RANBP17: variants seen among roughly 807,000 people sequenced by gnomAD.
The protein encoded by RANBP17 is RAN binding protein 17.
RANBP17 carries 158 observed loss-of-function variants against 141.2 expected under a neutral mutation model. The observed-to-expected ratio is 1.12, with a 90% confidence interval of 0.98 to 1.28. The LOEUF is 1.28. Among genes scored for constraint, RANBP17 ranks in the 50% most tolerant of loss-of-function variants. RANBP17 has a pLI of 0.00. For missense variants in RANBP17, 1,438 were observed against 1,290.7 expected, an observed-to-expected ratio of 1.11 and a Z score of -1.75; for synonymous variants, 430 against 450.0, an observed-to-expected ratio of 0.96 and a Z score of 0.56.
chr5:171,277,637 G>GTGTGTGTGTATATATATATATA (rs1437482589), intron 25 of RANBP17, among the ~76,000 whole-genome samples: 17 of 56,920 alleles, frequency 3.0e-4, no homozygotes, highest in African/African-American at 9.3e-4. Context: ...ATATATGTAT[G>GTGTGTGTGTATATATATATATA]TATATATATA....
In RANBP17 at chr5:171,296,017, G is replaced by T; in HGVS notation, c.3170+3G>T. 1.2e-6 allele frequency: 2 copies of T among 1,612,962 alleles called. No individual in the cohort carries two copies. Among genetic ancestry groups the T allele is most frequent in the South Asian group, 2.2e-5 (2 of 90,936 alleles). On this transcript the variant is annotated splice_donor_region_variant and intron_variant, in intron 27 of 27. Transcript: ENST00000523189. ...CTGTCCGTCAAGAACAGAGACAGGT[G>T]AGCATTGCCCAGTAGTGTGTCACTG...
intron 14 of RANBP17, among the ~76,000 whole-genome samples, chr5:171,147,799 C>T (rs987281449): frequency 1.2e-4 from 18 of 152,144 alleles, no homozygotes; most frequent in African/African-American, 3.4e-4. Flanking sequence ...CCAGCCGCCC[C>T]GTCCGGGACG....
chr5:170,956,361 A>G (rs1004953566), intron 13 of RANBP17, among the ~76,000 whole-genome samples: 1 of 152,108 alleles, frequency 6.6e-6, no homozygotes, highest in Non-Finnish European at 1.5e-5. Flanking sequence ...TGGATAAAAA[A>G]TTTCATTTTG....
rs1156348731 is a variant in RANBP17, at chr5:171,299,473, A to G, written c.*615A>G. ...GACTTAGAAACAATGTTTGCTTTTC[A>G]CTGGCATAAATCTGAAGTGGTTCAG... On this transcript the variant is annotated 3_prime_UTR_variant, in exon 28 of 28. Transcript: ENST00000523189. 2.2e-5 allele frequency: 5 copies of G among 231,302 alleles called. No homozygotes were observed. Among genetic ancestry groups the G allele is most frequent in the South Asian group, 3.6e-4 (2 of 5,514 alleles). The allele number at this position is 231,302 out of a possible 1,614,324, so 14.3% of individuals were successfully genotyped here. A position where few individuals can be genotyped will look rare whatever the true frequency, so the allele number is the denominator to read the frequency against.
chr5:170,908,307 C>T (rs565377748), intron 5 of RANBP17, among the ~76,000 whole-genome samples: 3 of 151,802 alleles, frequency 2.0e-5, no homozygotes, highest in East Asian at 1.9e-4. Context: ...AGAAAATACA[C>T]GTATACCACA....
intron 12 of RANBP17, among the ~76,000 whole-genome samples, chr5:170,940,494 A>G (rs114573518): frequency 6.6e-6 from 1 of 152,214 alleles, no homozygotes; most frequent in Admixed American, 6.5e-5. Context: ...GAAAAAATTC[A>G]GAACTGAGAG....
At chr5:170,926,982 A>G (rs1772981068) in intron 12 of RANBP17, among the ~76,000 whole-genome samples, 1 of 152,124 alleles carries the variant, frequency 6.6e-6, no homozygotes, top group Non-Finnish European at 1.5e-5. Context: ...GTAATATTTT[A>G]CTTTTTGAAT....
intron 2 of RANBP17, 95 bp from the exon 3 acceptor site, chr5:170,881,711 G>A (rs1337085405): frequency 1.1e-6 from 1 of 871,288 alleles, no homozygotes; most frequent in African/African-American, 1.7e-5. Context: ...TGGAAAACCG[G>A]AAGAATTTCT....
At chr5:170,946,095 C>T (rs1774736169) in intron 12 of RANBP17, among the ~76,000 whole-genome samples, 1 of 152,098 alleles carries the variant, frequency 6.6e-6, no homozygotes, top group Non-Finnish European at 1.5e-5. Flanking sequence ...GCCTAGATTT[C>T]AGTCACAGCT....
At chr5:171,050,600 A>G (rs1450576071) in intron 14 of RANBP17, among the ~76,000 whole-genome samples, 2 of 152,188 alleles carry the variant, frequency 1.3e-5, no homozygotes, top group African/African-American at 2.4e-5. Context: ...CCAGCTCTTC[A>G]GGAGGCTGAG....
chr5:171,247,593 G>A (rs935353606), intron 24 of RANBP17, among the ~76,000 whole-genome samples: 3 of 152,128 alleles, frequency 2.0e-5, no homozygotes, highest in Admixed American at 1.3e-4. Flanking sequence ...TCATTCATTA[G>A]CATTTTTAAT....
At chr5:171,168,896 C>T (rs949987316) in intron 14 of RANBP17, among the ~76,000 whole-genome samples, 2 of 151,926 alleles carry the variant, frequency 1.3e-5, no homozygotes, top group African/African-American at 4.8e-5. Flanking sequence ...CACCGTTCAG[C>T]CCTTCCTGCC....
intron 14 of RANBP17, among the ~76,000 whole-genome samples, chr5:170,978,337 T>A (rs1777534182): frequency 6.6e-6 from 1 of 152,126 alleles, no homozygotes; most frequent in Non-Finnish European, 1.5e-5. Context: ...ACTCATCAGC[T>A]CTACTCTTAT....
At chr5:171,136,410 T>C (rs553141524) in intron 14 of RANBP17, among the ~76,000 whole-genome samples, 3 of 152,180 alleles carry the variant, frequency 2.0e-5, no homozygotes, top group African/African-American at 4.8e-5. Context: ...CTCACCTTTT[T>C]TTTTCTTTTC....
At chr5:170,961,646 A>G (rs907523848) in intron 13 of RANBP17, among the ~76,000 whole-genome samples, 1 of 152,216 alleles carries the variant, frequency 6.6e-6, no homozygotes, top group Non-Finnish European at 1.5e-5. Flanking sequence ...TTTGGATTCG[A>G]GATGCTCAGA....
At chr5:171,029,606 G>A (rs1781433857) in intron 14 of RANBP17, among the ~76,000 whole-genome samples, 1 of 152,052 alleles carries the variant, frequency 6.6e-6, no homozygotes, top group Admixed American at 6.6e-5. Flanking sequence ...CTATATGCTA[G>A]TAATAAGAAA....
intron 25 of RANBP17, among the ~76,000 whole-genome samples, chr5:171,293,438 G>A (rs1460730284): frequency 6.6e-6 from 1 of 152,224 alleles, no homozygotes; most frequent in Non-Finnish European, 1.5e-5. Context: ...CACATGGAAT[G>A]TGTCCCATTC....
At chr5:171,159,917 C>CAAAAAAAAAA (rs1175963382) in intron 14 of RANBP17, among the ~76,000 whole-genome samples, 248 of 40,810 alleles carry the variant, frequency 6.1e-3, no homozygotes, top group Non-Finnish European at 8.0e-3. Flanking sequence ...GACTCCATCT[C>CAAAAAAAAAA]AAAAAAAAAA....
At chr5:171,296,903 ACT>A (rs1166501131) in intron 27 of RANBP17, among the ~76,000 whole-genome samples, 15 of 152,150 alleles carry the variant, frequency 9.9e-5, no homozygotes, top group African/African-American at 3.6e-4. Flanking sequence ...ACAGAGTGAG[ACT>A]CTGTCTCAAA....
Sources: allele counts gnomAD v4.1 joint callset (sites outside exome capture counted in the v4.1 genomes callset), GRCh38; gene constraint gnomAD v4.1.1; transcripts MANE v1.5; gene names NCBI Gene and HGNC (gene_info 2026-07-23, HGNC 2026-07-21).